Variants in PPIL2 observed in about 807,000 individuals in gnomAD.
The protein encoded by PPIL2 is RING-type E3 ubiquitin-protein ligase PPIL2.
PPIL2 carries 50 observed loss-of-function variants against 75.2 expected under a neutral mutation model. The ratio of observed to expected loss-of-function variants is 0.66; its 90% confidence interval spans 0.53 to 0.84. The LOEUF (loss-of-function observed/expected upper bound fraction) is 0.84, where lower values mean the gene tolerates loss of function less well. Among genes scored for constraint, PPIL2 ranks in the 40% least tolerant of loss-of-function variants. The probability of loss-of-function intolerance (pLI) is 0.00; values close to 1 mark genes in which losing one functional copy is unlikely to be tolerated. For missense variants in PPIL2, 590 were observed against 685.0 expected (o/e 0.86, Z 1.55); for synonymous variants, 245 against 258.8 (o/e 0.95, Z 0.51).
intron 8 of PPIL2, among the ~76,000 whole-genome samples, 169 bp downstream of exon 8, chr22:21,682,695 G>A (rs780134822): frequency 3.3e-5 from 5 of 152,244 alleles, no homozygotes; most frequent in Non-Finnish European, 7.3e-5. Flanking sequence ...CGCCTCGAGG[G>A]CAGGAGCTGG....
chr22:21,689,466 G>A (rs1026043813), intron 15 of PPIL2, among the ~76,000 whole-genome samples: 4 of 151,920 alleles, frequency 2.6e-5, no homozygotes, highest in East Asian at 1.9e-4. Flanking sequence ...TATAGTTTAT[G>A]ATACTTTTGT....
chr22:21,694,714 G>GGGGGAGGACCTGCCGTGCAC, intron 17 of PPIL2, 41 bp from the exon 18 acceptor site: 1 of 1,612,460 alleles, frequency 6.2e-7, no homozygotes, highest in East Asian at 2.2e-5. Context: ...CAGGCAGGCA[G>GGGGGAGGACCTGCCGTGCAC]GGGGAGGACC....
Position 21,670,745 on chromosome 22 carries a change from G to A in PPIL2, c.128+134G>A, listed in dbSNP as rs2066600032. 3 of 1,058,776 alleles carry A rather than the reference G, an allele frequency of 2.8e-6. No homozygotes were observed. The Admixed American group carries it at 5.5e-5, about 19-fold the overall frequency. 65.6% of individuals were successfully genotyped at this position (1,058,776 alleles called of 1,614,324 possible). The stretch of plus-strand genomic sequence containing the variant: ...GATGTGGCCCTTCAGTTCATGTTGG[G>A]AGAAGATGCAGAGTCCTCGTCATGA... On this transcript the variant is annotated intron_variant, in intron 3 of 19. Coordinates refer to ENST00000398831, the MANE Select transcript of PPIL2 (RefSeq NM_014337.4).
chr22:21,686,959 C>G lies in PPIL2; in HGVS notation c.858C>G (p.Thr286=), dbSNP rs1377208333. 6.2e-7 allele frequency: 1 copy of G among 1,613,234 alleles called. No homozygotes were observed. Among genetic ancestry groups the G allele is most frequent in the Non-Finnish European group, 8.5e-7 (1 of 1,179,746 alleles). The stretch of plus-strand genomic sequence containing the variant: ...AGAAGGGCTACGTGCGGCTGCACAC[C>G]AACAAGGGCGACCTCAACCTGGAGC... ...VKKKGYVRLH[T]NKGDLNLELH... The change falls in exon 12 of 20, where the codon ACC becomes ACG. Residue 286 remains threonine, a synonymous_variant. Coordinates refer to ENST00000398831, the MANE Select transcript of PPIL2 (RefSeq NM_014337.4).
At chr22:21,682,332 C>G (rs1339194592) in intron 7 of PPIL2, 105 bp from the exon 8 acceptor site, 1 of 950,030 alleles carries the variant, frequency 1.1e-6, no homozygotes, top group Non-Finnish European at 1.7e-6. Context: ...CCTCATGCCT[C>G]TCAAATCGTG....
In PPIL2 at chr22:21,682,476, G is replaced by T; in HGVS notation, c.427G>T (p.Asp143Tyr). Residue 143 changes from aspartate to tyrosine, a missense_variant, in exon 8 of 20, where the codon GAC becomes TAC. Asp to Tyr is a radical substitution (Grantham distance 160, BLOSUM62 -3). Transcript: ENST00000398831. ...QLNIKAKNFRDLLTDEPFSRQ... is the reference protein window; with the variant it reads ...QLNIKAKNFRYLLTDEPFSRQ... ...AAATATCAAGGCCAAGAACTTCCGG[G>T]ACCTGCTGACCGACGAGCCCTTCTC... The T allele has an allele frequency of 6.2e-7, 1 of 1,613,272 alleles. No individual in the cohort carries two copies. The highest frequency in any genetic ancestry group is 1.1e-5 in the South Asian group (1 of 91,018).
chr22:21,669,960 C>A lies in PPIL2; in HGVS notation c.80C>A (p.Pro27Gln). 6.2e-7 allele frequency: 1 copy of A among 1,613,192 alleles called. No homozygotes were observed. Among genetic ancestry groups the A allele is most frequent in the Non-Finnish European group, 8.5e-7 (1 of 1,179,180 alleles). ...EYTHFYGGKK[P>Q]DLPQTNFRRL... ...ACTCACTTTTATGGTGGCAAGAAGC[C>A]AGGTAAGGCATGCAGTCTTTCTGTT... Residue 27 changes from proline to glutamine, a missense_variant and splice_region_variant, in exon 2 of 20, where the codon CCA becomes CAA. Physicochemically the swap from Pro to Gln is moderately conservative, Grantham distance 76. Coordinates refer to ENST00000398831, the MANE Select transcript of PPIL2 (RefSeq NM_014337.4).
intron 5 of PPIL2, 25 bp from the exon 6 acceptor site, chr22:21,675,036 CATT>C (rs2066780637): frequency 6.3e-7 from 1 of 1,579,892 alleles, no homozygotes; most frequent in Non-Finnish European, 8.7e-7. Flanking sequence ...TATTCATTAT[CATT>C]AATTATTAAC....
intron 11 of PPIL2, among the ~76,000 whole-genome samples, 159 bp from the exon 12 acceptor site, chr22:21,686,733 G>A (rs1423176707): frequency 6.6e-6 from 1 of 152,162 alleles, no homozygotes; most frequent in Non-Finnish European, 1.5e-5. Flanking sequence ...GCTGGGGTGA[G>A]CCTGTGCGTG....
At position 21,696,160 on chromosome 22, in the gene PPIL2, T is replaced by A. The variant is rs533114147; in HGVS notation, c.*670T>A. 1.6e-4 allele frequency: 164 copies of A among 998,740 alleles called. 1 individual carries two copies. The African/African-American group carries it at 2.5e-3, about 15-fold the overall frequency. 61.9% of individuals were successfully genotyped at this position (998,740 alleles called of 1,614,324 possible). A position where few individuals can be genotyped will look rare whatever the true frequency, so the allele number is the denominator to read the frequency against. Reference sequence around the variant, plus strand: ...CTTCTCGGTCTGTTTTGACAAAACTTCAGGGGCTTCTGAAGGCTGGTGTTG... The same window carrying A: ...CTTCTCGGTCTGTTTTGACAAAACTACAGGGGCTTCTGAAGGCTGGTGTTG... On this transcript the variant is annotated 3_prime_UTR_variant, in exon 20 of 20. Transcript: ENST00000398831.
At chr22:21,670,857 G>T in intron 3 of PPIL2, 140 bp from the exon 4 acceptor site, 1 of 920,536 alleles carries the variant, frequency 1.1e-6, no homozygotes, top group South Asian at 1.4e-5. Flanking sequence ...GGAGAAGGTT[G>T]GTGAGAGAGG....
intron 6 of PPIL2, among the ~76,000 whole-genome samples, chr22:21,675,720 T>C (rs370406169): frequency 6.6e-6 from 1 of 152,298 alleles, no homozygotes; most frequent in African/African-American, 2.4e-5. Flanking sequence ...GCTGAGGCTG[T>C]GGTCTGTTTG....
chr22:21,688,546 T>C (rs1180792117), intron 14 of PPIL2, among the ~76,000 whole-genome samples, 186 bp from the exon 15 acceptor site: 3 of 152,166 alleles, frequency 2.0e-5, no homozygotes, highest in Non-Finnish European at 4.4e-5. Flanking sequence ...AGCCTGCCTG[T>C]TTGGAGGCGT....
chr22:21,681,417 A>G, intron 7 of PPIL2, 27 bp downstream of exon 7: 1 of 1,575,484 alleles, frequency 6.3e-7, no homozygotes, highest in South Asian at 1.1e-5. Context: ...GGGCGTGGAG[A>G]CAGCGGTGGG....
Position 21,696,942 on chromosome 22 carries a change from C to T in PPIL2, c.*1452C>T, listed in dbSNP as rs771953851. 5 of 1,582,356 alleles carry T rather than the reference C, an allele frequency of 3.2e-6. No individual in the cohort carries two copies. In the Admixed American group the frequency reaches 9.0e-5, roughly 29 times the overall value. ...CCTCGTCACCCTGCTGCACACCAATCTGTGGCCCTTCATCATGCTAAGAAC... is the reference window on the plus strand; with the variant it reads ...CCTCGTCACCCTGCTGCACACCAATTTGTGGCCCTTCATCATGCTAAGAAC... On this transcript the variant is annotated 3_prime_UTR_variant, in exon 20 of 20. Coordinates refer to ENST00000398831, the MANE Select transcript of PPIL2 (RefSeq NM_014337.4).
rs1220431512 is a variant in PPIL2 at position 21,684,011 on chromosome 22, C to T, written c.554-742C>T. On this transcript the variant is annotated intron_variant, in intron 9 of 19. Transcript: ENST00000398831. ...TTGCTTGAGCTCAAGAGTTCGAGACCAGCCTGGGCAACATGGGGACACCCT... is the reference window on the plus strand; with the variant it reads ...TTGCTTGAGCTCAAGAGTTCGAGACTAGCCTGGGCAACATGGGGACACCCT... Among the ~76,000 whole-genome samples, 5 of 147,332 alleles carry T rather than the reference C, an allele frequency of 3.4e-5. No homozygotes were observed. In the East Asian group the frequency reaches 1.0e-3, roughly 30 times the overall value.
chr22:21,670,361 G>C, intron 2 of PPIL2: 1 of 1,509,314 alleles, frequency 6.6e-7, no homozygotes, highest in Non-Finnish European at 8.8e-7. Flanking sequence ...GAAGTAAAAA[G>C]TATGCACTTT....
chr22:21,675,166 GC>G (rs2066786998), intron 6 of PPIL2, 51 bp downstream of exon 6: 4 of 1,492,490 alleles, frequency 2.7e-6, no homozygotes, highest in Non-Finnish European at 3.7e-6. Context: ...AGACCCAAGG[GC>G]CCAGCTCTCA....
rs768089995 is a variant in PPIL2, at chr22:21,684,909, A to G, written c.710A>G (p.Asn237Ser). 4 of 1,613,910 alleles carry G rather than the reference A, an allele frequency of 2.5e-6. No homozygotes were observed. In the Admixed American group the frequency reaches 6.7e-5, roughly 27 times the overall value. The change falls in exon 10 of 20, where the codon AAC becomes AGC. Residue 237 changes from asparagine to serine, a missense_variant. Asn to Ser is a conservative substitution (Grantham distance 46). Coordinates refer to ENST00000398831, the MANE Select transcript of PPIL2 (RefSeq NM_014337.4). ...GAGAAGAAGAAAGTGGACAAGCTGA[A>G]CGCTGTGAGTGGCGGAGGGCACTCG... is the stretch of plus-strand genomic sequence containing the variant. ...APEKKKVDKL[N>S]AAHYSTGKVS...
Sources: allele counts gnomAD v4.1 joint callset (sites outside exome capture counted in the v4.1 genomes callset), GRCh38; gene constraint gnomAD v4.1.1; transcripts MANE v1.5; gene names NCBI Gene and HGNC (gene_info 2026-07-23, HGNC 2026-07-21).